Variants in NAALADL2 observed in about 807,000 individuals in gnomAD.
NAALADL2 encodes the protein inactive N-acetylated-alpha-linked acidic dipeptidase-like protein 2.
In NAALADL2, 76 loss-of-function variants were observed where a neutral mutation model predicts 87.2. The ratio of observed to expected loss-of-function variants is 0.87; its 90% confidence interval spans 0.72 to 1.05. NAALADL2 has a LOEUF of 1.05. Among genes scored for constraint, NAALADL2 ranks in the 50% least tolerant of loss-of-function variants. The probability of loss-of-function intolerance (pLI) is 0.00; values close to 1 mark genes in which losing one functional copy is unlikely to be tolerated. For synonymous variants in NAALADL2, 354 were observed against 331.0 expected (o/e 1.07, Z -0.75); for missense variants, 1,089 against 945.8 (o/e 1.15, Z -1.99).
chr3:174,732,111 A>G (rs939794191), intron 2 of NAALADL2, among the ~76,000 whole-genome samples: 2 of 152,146 alleles, frequency 1.3e-5, no homozygotes, highest in Admixed American at 1.3e-4. Flanking sequence ...AGAGACTTGT[A>G]TCTTTTCTCA....
intron 3 of NAALADL2, among the ~76,000 whole-genome samples, chr3:174,797,140 G>A (rs1718191886): frequency 6.6e-6 from 1 of 151,862 alleles, no homozygotes; most frequent in African/African-American, 2.4e-5. Context: ...TGTATATGGT[G>A]AGATATAAGG....
chr3:175,716,960 G>T (rs1741385068), intron 11 of NAALADL2, among the ~76,000 whole-genome samples: 2 of 152,142 alleles, frequency 1.3e-5, no homozygotes, highest in South Asian at 4.1e-4. Flanking sequence ...ATTCCCTGAT[G>T]TCAGAAAGAA....
intron 9 of NAALADL2, among the ~76,000 whole-genome samples, chr3:175,536,031 A>G (rs144920040): frequency 1.3e-5 from 2 of 152,138 alleles, no homozygotes; most frequent in African/African-American, 4.8e-5. Flanking sequence ...TCTGATAACA[A>G]AACCCCAACT....
At chr3:175,588,873 C>G (rs1720964110) in intron 10 of NAALADL2, among the ~76,000 whole-genome samples, 1 of 152,128 alleles carries the variant, frequency 6.6e-6, no homozygotes, top group South Asian at 2.1e-4. Context: ...CATAATCAAA[C>G]TTGATCAAAC....
In NAALADL2 at chr3:175,667,177, GAAAGAGAAAGAAAGAA is replaced by G. The variant is rs1582828381; in HGVS notation, c.1896+39793_1896+39808del. Reference sequence around the variant, plus strand: ...AGAGAAAGAAAAAGAAAGAAAGAAAGAAAGAGAAAGAAAGAAAGAAAGAAAGAAAGAAAGAAAGAAA... The same window carrying G: ...AGAGAAAGAAAAAGAAAGAAAGAAAGAGAAAGAAAGAAAGAAAGAAAGAAA... On this transcript the variant is annotated intron_variant, in intron 11 of 13. Coordinates refer to ENST00000454872, the MANE Select transcript of NAALADL2 (RefSeq NM_207015.3). Among the ~76,000 whole-genome samples the G allele has an allele frequency of 5.2e-5, 6 of 115,664 alleles. No homozygotes were observed. In the East Asian group the frequency reaches 7.3e-4, roughly 14 times the overall value. The allele number at this position is 115,664 out of a possible 152,430, so 75.9% of individuals were successfully genotyped here.
chr3:175,650,267 C>G (rs180893062), intron 11 of NAALADL2, among the ~76,000 whole-genome samples: 1 of 152,202 alleles, frequency 6.6e-6, no homozygotes, highest in Admixed American at 6.5e-5. Context: ...CCAGAGATGA[C>G]AAATTTATAG....
intron 1 of NAALADL2, among the ~76,000 whole-genome samples, chr3:174,928,130 CTGAT>C (rs1272051005): frequency 6.6e-6 from 1 of 152,102 alleles, no homozygotes; most frequent in Non-Finnish European, 1.5e-5. Context: ...ATGTAAGGAA[CTGAT>C]TGATGCTTGA....
chr3:175,481,356 T>TGTGTGTGTGC (rs1264346095), intron 9 of NAALADL2, among the ~76,000 whole-genome samples: 3 of 150,314 alleles, frequency 2.0e-5, no homozygotes, highest in African/African-American at 7.3e-5. Flanking sequence ...TGTGTGTGTG[T>TGTGTGTGTGC]GTGTGTGTGT....
At chr3:175,233,900 TAAA>T in intron 2 of NAALADL2, 28 bp from the exon 3 acceptor site, 1 of 1,340,786 alleles carries the variant, frequency 7.5e-7, no homozygotes, top group Non-Finnish European at 1.0e-6. Flanking sequence ...TTCTCCTTTT[TAAA>T]AAAGTTTTCT....
chr3:174,996,083 GTTATA>G (rs1399255282), intron 1 of NAALADL2, among the ~76,000 whole-genome samples: 5 of 152,236 alleles, frequency 3.3e-5, no homozygotes, highest in African/African-American at 1.2e-4. Context: ...AAAGCTAGAT[GTTATA>G]TTATAGATTA....
At chr3:174,855,894 A>T (rs932188477), upstream of NAALADL2, among the ~76,000 whole-genome samples, 1 of 142,392 alleles carries the variant, frequency 7.0e-6, no homozygotes, top group Non-Finnish European at 1.5e-5. Flanking sequence ...ATGAATATAT[A>T]TACACATAGA....
chr3:175,671,996 C>T (rs112682537), intron 11 of NAALADL2, among the ~76,000 whole-genome samples: 2 of 152,056 alleles, frequency 1.3e-5, no homozygotes, highest in Admixed American at 6.6e-5. Context: ...AACAGTGCTA[C>T]GCTTCTAATC....
At chr3:174,646,789 A>G (rs1723829529) in intron 2 of NAALADL2, among the ~76,000 whole-genome samples, 2 of 152,174 alleles carry the variant, frequency 1.3e-5, no homozygotes, top group South Asian at 2.1e-4. Context: ...GAAAATATTT[A>G]TATATTCTGT....
At chr3:174,792,920 T>C (rs1374610722) in intron 3 of NAALADL2, among the ~76,000 whole-genome samples, 5 of 152,132 alleles carry the variant, frequency 3.3e-5, no homozygotes, top group African/African-American at 1.2e-4. Context: ...CTTTAAAGGG[T>C]TTGGCAGTAT....
intron 11 of NAALADL2, among the ~76,000 whole-genome samples, chr3:175,701,082 T>A (rs1171915554): frequency 2.0e-5 from 3 of 152,232 alleles, no homozygotes; most frequent in Admixed American, 2.0e-4. Flanking sequence ...ACACTCCCCA[T>A]CACTTGCATT....
chr3:174,907,454 G>C (rs980780929), intron 1 of NAALADL2, among the ~76,000 whole-genome samples: 2 of 152,004 alleles, frequency 1.3e-5, no homozygotes, highest in Admixed American at 1.3e-4. Flanking sequence ...ACATTTTCAT[G>C]TATAAATTCC....
At chr3:175,434,515 A>G (rs1052460806) in intron 5 of NAALADL2, among the ~76,000 whole-genome samples, 1 of 152,004 alleles carries the variant, frequency 6.6e-6, no homozygotes, top group Non-Finnish European at 1.5e-5. Flanking sequence ...CATTTTTATT[A>G]TCTAAAAAAT....
At chr3:175,010,352 G>T (rs912451821) in intron 1 of NAALADL2, among the ~76,000 whole-genome samples, 1 of 152,050 alleles carries the variant, frequency 6.6e-6, no homozygotes, top group East Asian at 1.9e-4. Context: ...AGTGTACACT[G>T]GGAAATATTT....
intron 2 of NAALADL2, among the ~76,000 whole-genome samples, chr3:174,684,586 A>G (rs1727858253): frequency 1.3e-5 from 2 of 152,278 alleles, no homozygotes; most frequent in Middle Eastern, 3.4e-3. Context: ...TACTCATTTA[A>G]GTAAACTATA....
Sources: gnomAD v4.1 joint callset for allele counts (sites outside exome capture counted in the v4.1 genomes callset) on GRCh38, gnomAD v4.1.1 for gene constraint, MANE v1.5 for transcripts, NCBI Gene and HGNC (gene_info 2026-07-23, HGNC 2026-07-21) for gene names.